The following FRAS1 variants were observed in gnomAD, a reference collection of about 807,000 sequenced individuals.
FRAS1 encodes the protein extracellular matrix organizing protein FRAS1.
In FRAS1, 290 loss-of-function variants were observed where a neutral mutation model predicts 435.2. That is an observed-to-expected ratio of 0.67 (90% CI 0.61 to 0.73). FRAS1 has a LOEUF of 0.73. FRAS1 is among the 30% of genes least tolerant of loss of function. The pLI, the probability that FRAS1 is intolerant of heterozygous loss-of-function variation, is 0.00. For missense variants in FRAS1, 4,860 were observed against 5,001.5 expected (o/e 0.97, Z 0.85); for synonymous variants, 1,800 against 1,851.0 (o/e 0.97, Z 0.71).
rs200113218 is a variant in FRAS1, at chr4:78,369,918, G to C, written c.2803G>C (p.Gly935Arg). Residue 935 changes from glycine to arginine, a missense_variant, in exon 23 of 74, where the codon GGG becomes CGG. By Grantham distance (125) the Gly-to-Arg change is moderately radical. Coordinates refer to ENST00000512123, the MANE Select transcript of FRAS1 (RefSeq NM_025074.7). The stretch of plus-strand genomic sequence containing the variant: ...AGATCCAAACAAGGTTCTGCTCTTT[G>C]GGGAATGTCAATACGAGAGCTGCGC... ...CRDPNKVLLF[G>R]ECQYESCAPQ... The C allele has an allele frequency of 8.3e-5, 134 of 1,613,834 alleles. No homozygotes were observed. The highest frequency in any genetic ancestry group is 1.1e-4 in the Non-Finnish European group (132 of 1,179,772).
At chr4:78,438,819 C>A in intron 39 of FRAS1, 83 bp from the exon 40 acceptor site, 1 of 1,492,760 alleles carries the variant, frequency 6.7e-7, no homozygotes, top group Non-Finnish European at 9.1e-7. Context: ...ATTGGTTTGG[C>A]CCCATTTTTA....
intron 22 of FRAS1, among the ~76,000 whole-genome samples, chr4:78,369,132 C>T (rs1000653438): frequency 3.7e-4 from 56 of 152,122 alleles, no homozygotes; most frequent in African/African-American, 1.3e-3. Context: ...GCAAAAAGTT[C>T]TGAGAGTTAT....
intron 2 of FRAS1, among the ~76,000 whole-genome samples, chr4:78,096,171 A>C (rs930302234): frequency 8.5e-5 from 13 of 152,246 alleles, no homozygotes; most frequent in African/African-American, 3.1e-4. Context: ...CAGGGCAGTC[A>C]AATTTTAAAG....
In FRAS1 at chr4:78,277,712, T is replaced by A. The variant is rs541966342; in HGVS notation, c.982-943T>A. ...TTATTATTTTGTAAAAAAATAAAAA[T>A]TTTAAAATTATTGATATTGGGAAAT... On this transcript the variant is annotated intron_variant, in intron 9 of 73. Transcript: ENST00000512123. 1.4e-4 allele frequency among the ~76,000 whole-genome samples: 22 copies of A among 152,232 alleles called. No individual in the cohort carries two copies. In the East Asian group the frequency reaches 2.3e-3, roughly 16 times the overall value.
At chr4:78,489,181 G>T in intron 59 of FRAS1, 101 bp downstream of exon 59, 1 of 1,086,546 alleles carries the variant, frequency 9.2e-7, no homozygotes. Flanking sequence ...TCAGAATTTT[G>T]TATACTACAG....
At chr4:78,539,651 T>C (rs1721989059) in intron 73 of FRAS1, among the ~76,000 whole-genome samples, 1 of 152,244 alleles carries the variant, frequency 6.6e-6, no homozygotes, top group Admixed American at 6.5e-5. Flanking sequence ...AATTATTGAC[T>C]TTGCATATAG....
At chr4:78,234,649 A>C (rs953590088) in intron 2 of FRAS1, among the ~76,000 whole-genome samples, 1 of 152,210 alleles carries the variant, frequency 6.6e-6, no homozygotes, top group Non-Finnish European at 1.5e-5. Flanking sequence ...TTCTAAGCAA[A>C]GTTCTGGTGC....
chr4:78,363,733 G>A (rs1731164777), intron 21 of FRAS1, 68 bp downstream of exon 21: 1 of 1,512,332 alleles, frequency 6.6e-7, no homozygotes, highest in African/African-American at 1.4e-5. Context: ...TAGCTGGGAA[G>A]GATCAACCTT....
chr4:78,437,042 AC>A (rs1734458049), intron 38 of FRAS1, among the ~76,000 whole-genome samples: 1 of 152,206 alleles, frequency 6.6e-6, no homozygotes, highest in Non-Finnish European at 1.5e-5. Flanking sequence ...CATTTTTTGT[AC>A]CTCCAGTATC....
chr4:78,089,047 A>T (rs1741362062), intron 2 of FRAS1, among the ~76,000 whole-genome samples: 1 of 152,150 alleles, frequency 6.6e-6, no homozygotes, highest in African/African-American at 2.4e-5. Context: ...CAACAATGAT[A>T]GACTGGATTA....
At chr4:78,307,053 T>C (rs1728765021) in intron 14 of FRAS1, among the ~76,000 whole-genome samples, 2 of 152,362 alleles carry the variant, frequency 1.3e-5, no homozygotes, top group South Asian at 4.1e-4. Context: ...GGTGTGGATG[T>C]CCTTTCTGTT....
chr4:78,159,212 T>C (rs755087286), intron 2 of FRAS1, among the ~76,000 whole-genome samples: 5 of 152,156 alleles, frequency 3.3e-5, no homozygotes, highest in Non-Finnish European at 7.4e-5. Context: ...AATTGGAATA[T>C]AAACTAACTC....
At chr4:78,287,396 A>G (rs1727663936) in intron 14 of FRAS1, among the ~76,000 whole-genome samples, 1 of 152,196 alleles carries the variant, frequency 6.6e-6, no homozygotes, top group Non-Finnish European at 1.5e-5. Context: ...CAGAGATATG[A>G]GTTTGTCTTC....
At chr4:78,507,326 T>C in intron 61 of FRAS1, 95 bp from the exon 62 acceptor site, 3 of 1,074,016 alleles carry the variant, frequency 2.8e-6, no homozygotes, top group Non-Finnish European at 3.9e-6. Context: ...AAAGAACATA[T>C]TTTAACATAA....
rs1733156579 is a variant in FRAS1, at chr4:78,407,733, G to A, written c.4200G>A (p.Gly1400=). 1 of 1,613,722 alleles carries A rather than the reference G, an allele frequency of 6.2e-7. No individual in the cohort carries two copies. Among genetic ancestry groups the A allele is most frequent in the Non-Finnish European group, 8.5e-7 (1 of 1,179,836 alleles). The part of the protein sequence containing the change: ...PADEGQHLPD[G]RTATPTSTFT... Reference sequence around the variant, plus strand: ...ATGAAGGGCAGCACCTGCCTGATGGGAGGACAGCTACCCCCACCAGCACCT... The same window carrying A: ...ATGAAGGGCAGCACCTGCCTGATGGAAGGACAGCTACCCCCACCAGCACCT... Residue 1400 remains glycine (G), a synonymous_variant, in exon 31 of 74, where the codon GGG becomes GGA. Coordinates refer to ENST00000512123, the MANE Select transcript of FRAS1 (RefSeq NM_025074.7).
At chr4:78,402,839 G>A (rs530913234) in intron 30 of FRAS1, among the ~76,000 whole-genome samples, 1 of 152,256 alleles carries the variant, frequency 6.6e-6, no homozygotes, top group African/African-American at 2.4e-5. Context: ...CTTTTGAAGA[G>A]TGCTGGTCAG....
At chr4:78,142,752 A>G (rs1720247935) in intron 2 of FRAS1, among the ~76,000 whole-genome samples, 1 of 152,344 alleles carries the variant, frequency 6.6e-6, no homozygotes, top group Middle Eastern at 3.4e-3. Flanking sequence ...ATGGAGGAAA[A>G]GTGTTCTATG....
chr4:78,251,570 TCCCTAG>T (rs140677693), intron 4 of FRAS1, among the ~76,000 whole-genome samples: 3,733 of 152,230 alleles, frequency 0.025, 154 homozygotes, highest in African/African-American at 0.084. Flanking sequence ...GGCCAACATC[TCCCTAG>T]CCCTGGGTAA....
At position 78,536,984 on chromosome 4, in the gene FRAS1, A is replaced by G. The variant is rs1721905362; in HGVS notation, c.11093-11A>G. 6.2e-7 allele frequency: 1 copy of G among 1,610,280 alleles called. No homozygotes were observed. Among genetic ancestry groups the G allele is most frequent in the South Asian group, 1.1e-5 (1 of 90,972 alleles). On this transcript the variant is annotated splice_polypyrimidine_tract_variant and intron_variant, in intron 71 of 73. Transcript: ENST00000512123. Reference sequence around the variant, plus strand: ...AAGTCTGACCTAATTAATACCTTTCAATCTTTTCAGGTCAAATCCTTTATG... The same window carrying G: ...AAGTCTGACCTAATTAATACCTTTCGATCTTTTCAGGTCAAATCCTTTATG...
Sources: allele counts gnomAD v4.1 joint callset (sites outside exome capture counted in the v4.1 genomes callset), GRCh38; gene constraint gnomAD v4.1.1; transcripts MANE v1.5; gene names NCBI Gene and HGNC (gene_info 2026-07-23, HGNC 2026-07-21).